The following ZNG1B variants were observed in gnomAD, a reference collection of about 807,000 sequenced individuals.
The protein encoded by ZNG1B is zinc-regulated GTPase metalloprotein activator 1B.
chr2:113,492,169 C>T, the ZNG1B span, among the ~76,000 whole-genome samples: 1 of 139,496 alleles, frequency 7.2e-6, no homozygotes, highest in African/African-American at 2.6e-5. Context: ...AGTCATTATA[C>T]GAAAAAGATA....
chr2:113,462,372 T>G, the ZNG1B span: 1 of 1,580,888 alleles, frequency 6.3e-7, no homozygotes, highest in Non-Finnish European at 8.6e-7. Context: ...GTATATTATT[T>G]AAAGTTTCTT....
At chr2:113,484,556 G>C in the ZNG1B span, among the ~76,000 whole-genome samples, 1 of 152,366 alleles carries the variant, frequency 6.6e-6, no homozygotes, top group African/African-American at 2.4e-5. Context: ...TTTTTTGTTT[G>C]TTTGTTTTGG....
chr2:113,445,180 G>A, the ZNG1B span: 4 of 1,262,560 alleles, frequency 3.2e-6, no homozygotes, highest in Admixed American at 9.5e-5. Context: ...ACTTTTTTTG[G>A]TTTAAAAGAG....
At chr2:113,438,343 T>C in the ZNG1B span, among the ~76,000 whole-genome samples, 1 of 152,086 alleles carries the variant, frequency 6.6e-6, no homozygotes, top group Non-Finnish European at 1.5e-5. Flanking sequence ...CTGACGCTCA[T>C]CTACCTCACC....
At chr2:113,449,829 T>C in the ZNG1B span, among the ~76,000 whole-genome samples, 32,777 of 151,148 alleles carry the variant, frequency 0.22, 3,713 homozygotes, top group East Asian at 0.52. Flanking sequence ...TGGATTTCTT[T>C]GTCCAATGTT....
the ZNG1B span, among the ~76,000 whole-genome samples, chr2:113,459,365 C>CCCT: frequency 3.3e-5 from 5 of 151,546 alleles, no homozygotes; most frequent in Non-Finnish European, 7.4e-5. Context: ...TCTGAGGTTC[C>CCCT]AAACTATTCA....
At chr2:113,446,645 C>G in the ZNG1B span, among the ~76,000 whole-genome samples, 22 of 148,826 alleles carry the variant, frequency 1.5e-4, no homozygotes, top group African/African-American at 5.5e-4. Context: ...ACTCAGGAGG[C>G]TAAGGCATGA....
the ZNG1B span, chr2:113,457,073 T>C: frequency 6.6e-6 from 3 of 454,698 alleles, no homozygotes; most frequent in East Asian, 6.9e-5. Flanking sequence ...AGGCAAAGAA[T>C]TGGACAACTT....
chr2:113,473,608 A>T, the ZNG1B span, among the ~76,000 whole-genome samples: 1 of 151,202 alleles, frequency 6.6e-6, no homozygotes, highest in Admixed American at 6.6e-5. Context: ...ATTCAGTATG[A>T]TATTGGCTGT....
chr2:113,478,457 T>A, the ZNG1B span, among the ~76,000 whole-genome samples: 2 of 151,826 alleles, frequency 1.3e-5, no homozygotes, highest in African/African-American at 4.8e-5. Context: ...TTTTTTTAAT[T>A]TTCTGTAAGC....
the ZNG1B span, among the ~76,000 whole-genome samples, chr2:113,475,808 A>C: frequency 2.0e-5 from 3 of 152,140 alleles, no homozygotes. Context: ...AAGAATGTTG[A>C]ATATTGGCCC....
At chr2:113,475,508 A>G in the ZNG1B span, among the ~76,000 whole-genome samples, 1 of 149,182 alleles carries the variant, frequency 6.7e-6, no homozygotes, top group African/African-American at 2.5e-5. Context: ...TAATATCGTT[A>G]CGTGTGAATT....
chr2:113,487,741 G>A, the ZNG1B span, among the ~76,000 whole-genome samples: 11 of 150,220 alleles, frequency 7.3e-5, no homozygotes, highest in Non-Finnish European at 1.6e-4. Flanking sequence ...TTGGTTGTAT[G>A]TATATTACCA....
At chr2:113,483,095 A>T in the ZNG1B span, among the ~76,000 whole-genome samples, 1 of 152,256 alleles carries the variant, frequency 6.6e-6, no homozygotes, top group Non-Finnish European at 1.5e-5. Context: ...GTCCTTGGAG[A>T]TAGAATTTAT....
At chr2:113,446,547 G>C in the ZNG1B span, among the ~76,000 whole-genome samples, 9 of 152,090 alleles carry the variant, frequency 5.9e-5, no homozygotes, top group South Asian at 1.9e-3. Flanking sequence ...AGGAGTTCAA[G>C]ACCAGCCTAG....
At chr2:113,446,759 C>CAT in the ZNG1B span, among the ~76,000 whole-genome samples, 1 of 135,030 alleles carries the variant, frequency 7.4e-6, no homozygotes, top group African/African-American at 2.9e-5. Context: ...CACACACACA[C>CAT]GCACATGCAC....
At chr2:113,444,994 G>T in the ZNG1B span, 1 of 1,610,704 alleles carries the variant, frequency 6.2e-7, no homozygotes, top group African/African-American at 1.3e-5. Context: ...TTGAGAATTT[G>T]ATGCAAAAGA....
chr2:113,465,922 A>G, the ZNG1B span: 2 of 985,028 alleles, frequency 2.0e-6, no homozygotes, highest in Non-Finnish European at 2.4e-6. Flanking sequence ...CTTGTCTGCT[A>G]TGGCAGAGAT....
chr2:113,460,684 A>G, the ZNG1B span: 1 of 1,594,902 alleles, frequency 6.3e-7, no homozygotes. Context: ...ATTTAGCAGA[A>G]GAGAAACCTG....
Sources: gnomAD v4.1 joint callset for allele counts (sites outside exome capture counted in the v4.1 genomes callset) on GRCh38, gnomAD v4.1.1 for gene constraint, MANE v1.5 for transcripts, NCBI Gene and HGNC (gene_info 2026-07-23, HGNC 2026-07-21) for gene names.